Variants in CAPN1 observed in about 807,000 individuals in gnomAD.
The protein encoded by CAPN1 is calpain-1 catalytic subunit.
Under a neutral mutation model 105.2 loss-of-function variants are expected in CAPN1, and 77 were observed. The observed-to-expected ratio is 0.73, with a 90% confidence interval of 0.61 to 0.88. The LOEUF (loss-of-function observed/expected upper bound fraction) is 0.88. Ranked by LOEUF, CAPN1 falls within the 40% of genes least tolerant of loss-of-function variation. The probability of loss-of-function intolerance (pLI) is 0.00; values close to 1 mark genes in which losing one functional copy is unlikely to be tolerated. For missense variants in CAPN1, 833 were observed against 976.6 expected, an observed-to-expected ratio of 0.85 and a Z score of 1.96; for synonymous variants, 355 against 388.8, an observed-to-expected ratio of 0.91 and a Z score of 1.02.
rs1949009140 is a variant in CAPN1, at chr11:65,209,333, G to A, written c.1740G>A (p.Leu580=). 1 of 1,613,668 alleles carries A rather than the reference G, an allele frequency of 6.2e-7. No individual in the cohort carries two copies. The change falls in exon 17 of 22, where the codon CTG becomes CTA. Residue 580 remains leucine, a synonymous_variant. Coordinates refer to ENST00000279247, the MANE Select transcript of CAPN1 (RefSeq NM_005186.4). This position sits in a 1 kb window ranked among gnomAD's most constrained non-coding sequence, Gnocchi z 4.1. ...TGGTTTTTCTTGCAGACAAAGACCT[G>A]CGGACCAAGGGCTTCAGCCTAGAGT... ...LNRIISKHKD[L]RTKGFSLESC...
At chr11:65,182,632 T>C in intron 1 of CAPN1, 69 bp from the exon 2 acceptor site, 1 of 1,435,640 alleles carries the variant, frequency 7.0e-7, no homozygotes, top group Non-Finnish European at 9.1e-7. Context: ...AGAGCAGAGC[T>C]TGCAGGCAGG....
Position 65,188,580 on chromosome 11 carries a change from CCT to C in CAPN1, c.1005-4_1005-3del. 1 of 1,614,020 alleles carries C rather than the reference CCT, an allele frequency of 6.2e-7. No homozygotes were observed. Among genetic ancestry groups the C allele is most frequent in the East Asian group, 2.2e-5 (1 of 44,890 alleles). On this transcript the variant is annotated splice_polypyrimidine_tract_variant and splice_region_variant and intron_variant, in intron 9 of 21. Transcript: ENST00000279247. The surrounding 1 kb of genome is among the most constrained non-coding windows in gnomAD (Gnocchi z 5.5). ...CTGTGCCTCACCTGTGTACCTCCCACCTCAGGATGTCATTCCGAGACTTCATG... is the reference window on the plus strand; with the variant it reads ...CTGTGCCTCACCTGTGTACCTCCCACCAGGATGTCATTCCGAGACTTCATG...
At chr11:65,199,416 G>C (rs746982992) in intron 10 of CAPN1, among the ~76,000 whole-genome samples, 6 of 151,978 alleles carry the variant, frequency 3.9e-5, no homozygotes, top group Admixed American at 2.0e-4. Context: ...TGGAGGTATG[G>C]ATTTCTTTTC....
intron 10 of CAPN1, among the ~76,000 whole-genome samples, chr11:65,202,794 T>G (rs1365440062): frequency 1.3e-5 from 2 of 152,140 alleles, no homozygotes; most frequent in Non-Finnish European, 1.5e-5. Context: ...ATATACTATT[T>G]AAAGTATATT....
intron 10 of CAPN1, among the ~76,000 whole-genome samples, chr11:65,199,995 G>A (rs563034120): frequency 1.3e-5 from 2 of 152,042 alleles, no homozygotes; most frequent in South Asian, 2.1e-4. Context: ...AAATTGCTCC[G>A]GGGTGTTTCT....
Position 65,208,006 on chromosome 11 carries a change from G to A in CAPN1, c.1606-49G>A, listed in dbSNP as rs368232986. 42 of 1,470,012 alleles carry A rather than the reference G, an allele frequency of 2.9e-5. No individual in the cohort carries two copies. The highest frequency in any genetic ancestry group is 2.1e-4 in the African/African-American group (15 of 71,490). The allele number at this position is 1,470,012 out of a possible 1,614,324, so 91.1% of individuals were successfully genotyped here. A position where few individuals can be genotyped will look rare whatever the true frequency, so the allele number is the denominator to read the frequency against. ...GCCCTCCCTCCAGCTGCCTCCACAC[G>A]GGCAGGGCCGGGGCCTCTCTTACCT... On this transcript the variant is annotated intron_variant, in intron 14 of 21. Transcript: ENST00000279247. The surrounding 1 kb of genome is among the most constrained non-coding windows in gnomAD (Gnocchi z 4.1).
chr11:65,209,397 C>A lies in CAPN1; in HGVS notation c.1794+10C>A. On this transcript the variant is annotated intron_variant, in intron 17 of 21. Coordinates refer to ENST00000279247, the MANE Select transcript of CAPN1 (RefSeq NM_005186.4). The surrounding 1 kb of genome is among the most constrained non-coding windows in gnomAD (Gnocchi z 4.1). ...GGTGAACCTCATGGATGTATCCTTCCGTTTGCTTTTGTCTCCTGAGTGGGG... is the reference window on the plus strand; with the variant it reads ...GGTGAACCTCATGGATGTATCCTTCAGTTTGCTTTTGTCTCCTGAGTGGGG... 1 of 1,612,070 alleles carries A rather than the reference C, an allele frequency of 6.2e-7. No individual in the cohort carries two copies. The highest frequency in any genetic ancestry group is 8.5e-7 in the Non-Finnish European group (1 of 1,178,666).
intron 10 of CAPN1, among the ~76,000 whole-genome samples, chr11:65,199,428 T>G (rs900702369): frequency 6.6e-6 from 1 of 152,228 alleles, no homozygotes; most frequent in African/African-American, 2.4e-5. Context: ...TTTCTTTTCA[T>G]TCTGCCTTGA....
Position 65,183,597 on chromosome 11 carries a change from G to A in CAPN1, c.456+5G>A. ...GCCGGCATCTTCCATTTCCAGGTGA[G>A]GGCTCCCCTGGGGAGGAGGGGCAGC... is the stretch of plus-strand genomic sequence containing the variant. On this transcript the variant is annotated splice_donor_5th_base_variant and intron_variant, in intron 4 of 21. Coordinates refer to ENST00000279247, the MANE Select transcript of CAPN1 (RefSeq NM_005186.4). The A allele has an allele frequency of 6.3e-7, 1 of 1,596,212 alleles. No homozygotes were observed. The highest frequency in any genetic ancestry group is 8.6e-7 in the Non-Finnish European group (1 of 1,163,920).
intron 10 of CAPN1, among the ~76,000 whole-genome samples, chr11:65,199,595 T>G (rs1280682415): frequency 6.6e-6 from 1 of 152,250 alleles, no homozygotes; most frequent in Admixed American, 6.5e-5. Flanking sequence ...TCTCTTAACC[T>G]TGCTTTTAGA....
chr11:65,199,368 T>C (rs573824079), intron 10 of CAPN1, among the ~76,000 whole-genome samples: 1 of 152,332 alleles, frequency 6.6e-6, no homozygotes, highest in African/African-American at 2.4e-5. Flanking sequence ...AATCTTAATT[T>C]TTTTTTTCTT....
At chr11:65,192,437 T>G (rs1281655961) in intron 10 of CAPN1, among the ~76,000 whole-genome samples, 2 of 152,132 alleles carry the variant, frequency 1.3e-5, no homozygotes, top group Non-Finnish European at 2.9e-5. Flanking sequence ...CTAGAAGAGT[T>G]TACCTAAGAT....
Position 65,188,151 on chromosome 11 carries a change from G to T in CAPN1, c.929+111G>T, listed in dbSNP as rs900986271. 1 of 791,398 alleles carries T rather than the reference G, an allele frequency of 1.3e-6. No homozygotes were observed. Among genetic ancestry groups the T allele is most frequent in the South Asian group, 1.8e-5 (1 of 55,512 alleles). The allele number at this position is 791,398 out of a possible 1,614,324, so 49.0% of individuals were successfully genotyped here. A position where few individuals can be genotyped will look rare whatever the true frequency, so the allele number is the denominator to read the frequency against. ...GCTGGACTCAGGATTGAGCAGAGGGGCCCATCTTCGCGCGACTGGGTCTGG... is the reference window on the plus strand; with the variant it reads ...GCTGGACTCAGGATTGAGCAGAGGGTCCCATCTTCGCGCGACTGGGTCTGG... On this transcript the variant is annotated intron_variant, in intron 8 of 21. Transcript: ENST00000279247. This position sits in a 1 kb window ranked among gnomAD's most constrained non-coding sequence, Gnocchi z 5.5.
Position 65,182,881 on chromosome 11 carries a change from C to A in CAPN1, c.180C>A (p.Ala60=), listed in dbSNP as rs781338229. The change falls in exon 2 of 22, where the codon GCC becomes GCA. Residue 60 remains alanine (A), a synonymous_variant. Transcript: ENST00000279247. ...LQSGTLFRDE[A]FPPVPQSLGY... is the part of the protein sequence containing the mutation. ...GTGGGACCCTCTTCCGTGATGAGGC[C>A]TTCCCCCCGGTACCCCAGAGCCTGG... 1 of 1,604,478 alleles carries A rather than the reference C, an allele frequency of 6.2e-7. No homozygotes were observed. Among genetic ancestry groups the A allele is most frequent in the Non-Finnish European group, 8.5e-7 (1 of 1,175,794 alleles).
Position 65,209,142 on chromosome 11 carries a change from G to C in CAPN1, c.1730-181G>C. 1.6e-6 allele frequency: 1 copy of C among 608,714 alleles called. No homozygotes were observed. Among genetic ancestry groups the C allele is most frequent in the South Asian group, 1.9e-5 (1 of 52,156 alleles). The allele number at this position is 608,714 out of a possible 1,614,324, so 37.7% of individuals were successfully genotyped here. ...TGGCTGTTGGGACTTTGGCTTGATT[G>C]CTAAAATACTTTACTTGTACTTCCT... On this transcript the variant is annotated intron_variant, in intron 16 of 21. Transcript: ENST00000279247. This position sits in a 1 kb window ranked among gnomAD's most constrained non-coding sequence, Gnocchi z 4.1.
At chr11:65,204,401 T>C (rs1948918803) in intron 10 of CAPN1, among the ~76,000 whole-genome samples, 1 of 152,146 alleles carries the variant, frequency 6.6e-6, no homozygotes, top group African/African-American at 2.4e-5. Flanking sequence ...TCTCAGCGCA[T>C]AGGTCCCCTA....
At chr11:65,189,016 C>A (rs1297388319) in intron 10 of CAPN1, among the ~76,000 whole-genome samples, 1 of 152,028 alleles carries the variant, frequency 6.6e-6, no homozygotes, top group African/African-American at 2.4e-5. Context: ...TGGGCCCTTC[C>A]CTCCTGCCTT....
chr11:65,186,274 G>C lies in CAPN1; in HGVS notation c.695G>C (p.Ser232Thr), dbSNP rs772581750. The C allele has an allele frequency of 1.2e-6, 2 of 1,613,378 alleles. No homozygotes were observed. Among genetic ancestry groups the C allele is most frequent in the Non-Finnish European group, 1.7e-6 (2 of 1,179,692 alleles). Residue 232 changes from serine (S) to threonine (T), a missense_variant, in exon 6 of 22, where the codon AGT (serine) becomes ACT (threonine). By Grantham distance (58) the Ser-to-Thr change is moderately conservative (BLOSUM62 1). Transcript: ENST00000279247. The part of the protein sequence containing the change: ...TEWYELRKAP[S>T]DLYQIILKAL... The stretch of plus-strand genomic sequence containing the variant: ...TGGTACGAGTTGCGCAAGGCTCCCA[G>C]TGACCTCTACCAGATCATCCTCAAG...
chr11:65,208,620 A>G lies in CAPN1; in HGVS notation c.1729+358A>G. Reference sequence around the variant, plus strand: ...TGGAGAGACCCTGTCTCTGCAAAAAAGTACAAAAATTAGCTGGGCGTGGTG... The same window carrying G: ...TGGAGAGACCCTGTCTCTGCAAAAAGGTACAAAAATTAGCTGGGCGTGGTG... On this transcript the variant is annotated intron_variant, in intron 16 of 21. Coordinates refer to ENST00000279247, the MANE Select transcript of CAPN1 (RefSeq NM_005186.4). This position sits in a 1 kb window ranked among gnomAD's most constrained non-coding sequence, Gnocchi z 4.1. 1 of 360,528 alleles carries G rather than the reference A, an allele frequency of 2.8e-6. No homozygotes were observed. Among genetic ancestry groups the G allele is most frequent in the Non-Finnish European group, 5.3e-6 (1 of 187,846 alleles). 22.3% of individuals were successfully genotyped at this position (360,528 alleles called of 1,614,324 possible).
Sources: allele counts gnomAD v4.1 joint callset (sites outside exome capture counted in the v4.1 genomes callset), GRCh38; gene constraint gnomAD v4.1.1; non-coding constraint Gnocchi (gnomAD v3.1); transcripts MANE v1.5; gene names NCBI Gene and HGNC (gene_info 2026-07-23, HGNC 2026-07-21).